RUNX1T1: variants seen among roughly 807,000 people sequenced by gnomAD.
RUNX1T1 encodes the protein RUNX1 partner transcriptional co-repressor 1, also known as protein CBFA2T1.
In RUNX1T1, 4 loss-of-function variants were observed where a neutral mutation model predicts 62.8. The observed-to-expected ratio is 0.06, with a 90% CI of 0.03 to 0.15. The LOEUF (loss-of-function observed/expected upper bound fraction) is 0.15, where lower values mean the gene tolerates loss of function less well. Among genes scored for constraint, RUNX1T1 ranks in the 10% least tolerant of loss-of-function variants. RUNX1T1 has a pLI of 1.00. For missense variants in RUNX1T1, 508 were observed against 754.3 expected (o/e 0.67, Z 3.82); for synonymous variants, 291 against 286.0 (o/e 1.02, Z -0.18).
At chr8:92,080,260 T>C (rs1835039509) in intron 1 of RUNX1T1, among the ~76,000 whole-genome samples, 1 of 152,214 alleles carries the variant, frequency 6.6e-6, no homozygotes. Flanking sequence ...CCCATGACTT[T>C]GGCAAACCTT....
At chr8:92,065,419 A>G (rs556778014), upstream of RUNX1T1, among the ~76,000 whole-genome samples, 6 of 152,346 alleles carry the variant, frequency 3.9e-5, no homozygotes, top group African/African-American at 1.2e-4. Context: ...GTACTTCCTC[A>G]GGAGAACCTC....
intron 1 of RUNX1T1, among the ~76,000 whole-genome samples, chr8:92,025,612 A>G (rs922696641): frequency 9.2e-5 from 14 of 152,202 alleles, no homozygotes; most frequent in African/African-American, 2.9e-4. Context: ...AAGTTCTCAT[A>G]TTAGACTGTC....
At chr8:91,960,693 G>C (rs537989913) in intron 10 of RUNX1T1, among the ~76,000 whole-genome samples, 176 bp from the exon 12 acceptor site, 1 of 152,330 alleles carries the variant, frequency 6.6e-6, no homozygotes, top group South Asian at 2.1e-4. Context: ...TGCAGGTTTT[G>C]ATGGGATGGT....
At chr8:91,990,972 T>C (rs754841230) in intron 6 of RUNX1T1, among the ~76,000 whole-genome samples, 7 of 152,170 alleles carry the variant, frequency 4.6e-5, no homozygotes, top group African/African-American at 7.2e-5. Flanking sequence ...ATGCTTTACT[T>C]CTAATAGTTT....
intron 1 of RUNX1T1, among the ~76,000 whole-genome samples, chr8:92,050,331 A>C (rs1264776265): frequency 2.0e-5 from 3 of 152,204 alleles, no homozygotes; most frequent in Admixed American, 2.0e-4. Flanking sequence ...TGTTTTATTA[A>C]GAAGATAACA....
At chr8:92,002,477 C>T (rs201502169) in intron 5 of RUNX1T1, among the ~76,000 whole-genome samples, 2 of 152,072 alleles carry the variant, frequency 1.3e-5, no homozygotes, top group Non-Finnish European at 2.9e-5. Flanking sequence ...TTTGCCAAAA[C>T]CCATCCCTGA....
In RUNX1T1 at chr8:92,020,932, C is replaced by T. The variant is rs545130888; in HGVS notation, c.8-3569G>A. Among the ~76,000 whole-genome samples, 3 of 149,808 alleles carry T rather than the reference C, an allele frequency of 2.0e-5. No individual in the cohort carries two copies. The South Asian group carries it at 6.3e-4, about 31-fold the overall frequency. ...TAGCACCAGATGTGTTTCTAAGGTA[C>T]AAAAAGTAGGTATTCTGCATTTTCC... On this transcript the variant is annotated intron_variant, in intron 1 of 10. Transcript: ENST00000396218.
At chr8:92,097,529 T>C (rs571505846) in intron 1 of RUNX1T1, among the ~76,000 whole-genome samples, 32 of 152,086 alleles carry the variant, frequency 2.1e-4, no homozygotes, top group Admixed American at 2.0e-3. Context: ...CACCTAAAAA[T>C]CCAAGAAAAC....
At chr8:92,042,797 T>C (rs1045451222) in intron 1 of RUNX1T1, among the ~76,000 whole-genome samples, 1 of 152,230 alleles carries the variant, frequency 6.6e-6, no homozygotes, top group Non-Finnish European at 1.5e-5. Context: ...ACAGAAATGA[T>C]ACACGCACAC....
Position 92,095,766 on chromosome 8 carries a change from A to T in RUNX1T1, c.-86+3814T>A, listed in dbSNP as rs532095960. 8 of 378,562 alleles carry T rather than the reference A, an allele frequency of 2.1e-5. No homozygotes were observed. In the East Asian group the frequency reaches 2.6e-4, roughly 12 times the overall value. 23.5% of individuals were successfully genotyped at this position (378,562 alleles called of 1,614,324 possible). ...GCTACCCTAAGGCTATCTGGGAATG[A>T]GAGGCAGGCTAGAAGTCGCCTGCAT... is the stretch of plus-strand genomic sequence containing the variant. On this transcript the variant is annotated intron_variant, in intron 1 of 11. Coordinates refer to the RUNX1T1 transcript ENST00000265814.
At chr8:91,987,055 T>A in intron 6 of RUNX1T1, 83 bp from the exon 8 acceptor site, 1 of 881,414 alleles carries the variant, frequency 1.1e-6, no homozygotes, top group Non-Finnish European at 1.9e-6. Context: ...AAGGACTATG[T>A]GGGCAAACTC....
At position 92,039,234 on chromosome 8, in the gene RUNX1T1, T is replaced by G. The variant is rs547009355; in HGVS notation, c.8-21871A>C. On this transcript the variant is annotated intron_variant, in intron 1 of 10. Coordinates refer to ENST00000396218, the Ensembl canonical transcript of RUNX1T1. ...GTTGCCCAGGCTGGTCTCGAACTCCTGAGCTCAAGTGATCCAACCGCCTTG... is the reference window on the plus strand; with the variant it reads ...GTTGCCCAGGCTGGTCTCGAACTCCGGAGCTCAAGTGATCCAACCGCCTTG... 2.7e-5 allele frequency among the ~76,000 whole-genome samples: 4 copies of G among 150,932 alleles called. No individual in the cohort carries two copies. In the South Asian group the frequency reaches 8.6e-4, roughly 32 times the overall value.
At chr8:92,097,070 A>AT (rs1412390917) in intron 1 of RUNX1T1, among the ~76,000 whole-genome samples, 1 of 152,130 alleles carries the variant, frequency 6.6e-6, no homozygotes, top group African/African-American at 2.4e-5. Flanking sequence ...AAAGCTGGGC[A>AT]TAGGTGGGGG....
chr8:92,091,769 A>C (rs1837061716), intron 1 of RUNX1T1, among the ~76,000 whole-genome samples: 1 of 152,186 alleles, frequency 6.6e-6, no homozygotes, highest in Admixed American at 6.5e-5. Context: ...TTGAAACTGG[A>C]AACTGCATTC....
chr8:92,004,250 A>C (rs1820300555), intron 5 of RUNX1T1, among the ~76,000 whole-genome samples: 1 of 152,250 alleles, frequency 6.6e-6, no homozygotes, highest in Non-Finnish European at 1.5e-5. Context: ...TAAGCAGAGA[A>C]AGAAAGCAAA....
intron 1 of RUNX1T1, among the ~76,000 whole-genome samples, chr8:92,027,522 T>C (rs1825444868): frequency 2.6e-5 from 4 of 152,116 alleles, no homozygotes; most frequent in Admixed American, 1.3e-4. Flanking sequence ...GTTTCTACAT[T>C]TGATGATGAT....
chr8:92,037,692 A>T (rs1475150412), intron 1 of RUNX1T1, among the ~76,000 whole-genome samples: 1 of 152,100 alleles, frequency 6.6e-6, no homozygotes, highest in Admixed American at 6.5e-5. Context: ...AAATAAATTT[A>T]AAAAGTAAAA....
intron 3 of RUNX1T1, among the ~76,000 whole-genome samples, chr8:92,012,725 G>T (rs1405408668): frequency 6.7e-6 from 1 of 149,662 alleles, no homozygotes; most frequent in Non-Finnish European, 1.5e-5. Context: ...TTGCCCATGT[G>T]TCAAATGTGT....
intron 1 of RUNX1T1, among the ~76,000 whole-genome samples, chr8:92,026,922 C>A (rs1038211870): frequency 1.1e-4 from 17 of 150,992 alleles, no homozygotes; most frequent in Non-Finnish European, 1.5e-4. Flanking sequence ...TCGAGACCAT[C>A]CTGGCTGACA....
Sources: gnomAD v4.1 joint callset for allele counts (sites outside exome capture counted in the v4.1 genomes callset) on GRCh38, gnomAD v4.1.1 for gene constraint, MANE v1.5 for transcripts, NCBI Gene and HGNC (gene_info 2026-07-23, HGNC 2026-07-21) for gene names.